Variants in SEC23B observed in about 807,000 individuals in gnomAD.
SEC23B encodes the protein SEC23 homolog B, COPII component.
Under a neutral mutation model 104.3 loss-of-function variants are expected in SEC23B, and 77 were observed. The observed-to-expected ratio is 0.74, with a 90% CI of 0.61 to 0.89. The LOEUF is 0.89. Ranked by LOEUF, SEC23B falls within the 40% of genes least tolerant of loss-of-function variation. The pLI is 0.00. For synonymous variants in SEC23B, 338 were observed against 332.5 expected, an observed-to-expected ratio of 1.02 and a Z score of -0.18; for missense variants, 885 against 949.4, an observed-to-expected ratio of 0.93 and a Z score of 0.89.
At chr20:18,514,323 G>C (rs1157239852) in intron 3 of SEC23B, among the ~76,000 whole-genome samples, 4 of 152,260 alleles carry the variant, frequency 2.6e-5, no homozygotes, top group Admixed American at 2.0e-4. Context: ...GGAGGTGGCT[G>C]GTGTGTCTGT....
intron 18 of SEC23B, 95 bp downstream of exon 18, chr20:18,554,485 A>G: frequency 6.9e-7 from 1 of 1,457,926 alleles, no homozygotes. Context: ...ATTTTATGTG[A>G]TGACATAAAT....
At chr20:18,550,246 C>A (rs536920651) in intron 16 of SEC23B, among the ~76,000 whole-genome samples, 1 of 151,944 alleles carries the variant, frequency 6.6e-6, no homozygotes, top group Non-Finnish European at 1.5e-5. Flanking sequence ...CCTCCGCCTT[C>A]CAGGTTCAGG....
chr20:18,529,289 A>G (rs1037600036), intron 9 of SEC23B, among the ~76,000 whole-genome samples: 33 of 152,216 alleles, frequency 2.2e-4, no homozygotes, highest in African/African-American at 7.7e-4. Context: ...GGCAAATGAA[A>G]TTTCACTCAA....
intron 12 of SEC23B, among the ~76,000 whole-genome samples, chr20:18,539,600 G>A (rs2060269914): frequency 1.3e-5 from 2 of 149,358 alleles, no homozygotes; most frequent in Non-Finnish European, 3.0e-5. Flanking sequence ...GCCTCCCAAA[G>A]TGCTGGGATT....
In SEC23B at chr20:18,542,181, G is replaced by T. The variant is rs937945831; in HGVS notation, c.1405-115G>T. On this transcript the variant is annotated intron_variant, in intron 12 of 19. Coordinates refer to ENST00000650089, the MANE Select transcript of SEC23B (RefSeq NM_006363.6). ...ATCCTAAGTGTGCCCTTCAAAATGT[G>T]TCAAGAACCTTCCTGTCATTGCTGT... is the stretch of plus-strand genomic sequence containing the variant. 1.3e-4 allele frequency: 120 copies of T among 920,716 alleles called. 1 individual carries two copies. In the East Asian group the frequency reaches 2.5e-3, roughly 19 times the overall value. The allele number at this position is 920,716 out of a possible 1,614,324, so 57.0% of individuals were successfully genotyped here.
intron 1 of SEC23B, among the ~76,000 whole-genome samples, chr20:18,509,103 A>G (rs905852317): frequency 3.9e-5 from 6 of 152,196 alleles, no homozygotes; most frequent in African/African-American, 1.4e-4. Context: ...GAGAGTTGTG[A>G]TAGAACTTGC....
chr20:18,522,219 T>C (rs2148895429), intron 4 of SEC23B, among the ~76,000 whole-genome samples: 1 of 152,192 alleles, frequency 6.6e-6, no homozygotes, highest in Non-Finnish European at 1.5e-5. Flanking sequence ...GTCCCTACAA[T>C]TGACTTGTCA....
chr20:18,560,751 C>A lies in SEC23B; in HGVS notation c.*11C>A. ...TCCAGTGCCTGTTAAGCTGAGGATACAACCAGGAAATGCAACGGTGTCAGA... is the reference window on the plus strand; with the variant it reads ...TCCAGTGCCTGTTAAGCTGAGGATAAAACCAGGAAATGCAACGGTGTCAGA... On this transcript the variant is annotated 3_prime_UTR_variant, in exon 20 of 20. Coordinates refer to ENST00000650089, the MANE Select transcript of SEC23B (RefSeq NM_006363.6). 6.2e-7 allele frequency: 1 copy of A among 1,601,248 alleles called. No homozygotes were observed. Among genetic ancestry groups the A allele is most frequent in the Non-Finnish European group, 8.6e-7 (1 of 1,168,648 alleles).
chr20:18,534,661 A>ACAG (rs1367634733), intron 11 of SEC23B, among the ~76,000 whole-genome samples: 2 of 152,254 alleles, frequency 1.3e-5, no homozygotes, highest in Non-Finnish European at 2.9e-5. Flanking sequence ...TTGTTTGCCA[A>ACAG]CAGCCTAATG....
chr20:18,534,197 A>G (rs2060208911), intron 11 of SEC23B, among the ~76,000 whole-genome samples: 1 of 152,214 alleles, frequency 6.6e-6, no homozygotes, highest in African/African-American at 2.4e-5. Flanking sequence ...TGCAGATATC[A>G]TGACAGTCCT....
intron 17 of SEC23B, among the ~76,000 whole-genome samples, chr20:18,553,310 C>T (rs1174357208): frequency 6.6e-6 from 1 of 152,204 alleles, no homozygotes; most frequent in Non-Finnish European, 1.5e-5. Context: ...ACGGTAACTG[C>T]TACTTTGAGA....
chr20:18,521,679 G>GTC (rs1270997927), intron 4 of SEC23B, among the ~76,000 whole-genome samples: 2 of 152,210 alleles, frequency 1.3e-5, no homozygotes, highest in Middle Eastern at 3.4e-3. Context: ...ACCTAGCTTG[G>GTC]CCTGGTGAGG....
intron 16 of SEC23B, among the ~76,000 whole-genome samples, chr20:18,550,649 G>A (rs2060378925): frequency 6.6e-6 from 1 of 152,066 alleles, no homozygotes; most frequent in South Asian, 2.1e-4. Flanking sequence ...CATAGTGTGA[G>A]ACCCTGTCTT....
chr20:18,521,321 T>C (rs971894893), intron 4 of SEC23B, among the ~76,000 whole-genome samples: 2 of 152,130 alleles, frequency 1.3e-5, no homozygotes, highest in African/African-American at 4.8e-5. Context: ...GATTGGGTAA[T>C]AAAATGCATA....
At chr20:18,555,061 T>C (rs2060423293) in intron 18 of SEC23B, 47 bp from the exon 19 acceptor site, 1 of 1,532,572 alleles carries the variant, frequency 6.5e-7, no homozygotes, top group African/African-American at 1.4e-5. Context: ...TTAATATTAA[T>C]GTCACTTTTT....
Position 18,548,687 on chromosome 20 carries a change from C to A in SEC23B, c.1822C>A (p.His608Asn). ...SPDESSYYRH[H>N]FARQDLTQSL... ...TGATGAGTCGTCATATTACAGACAT[C>A]ATTTTGCCCGGCAGGACCTGACCCA... Residue 608 changes from histidine to asparagine, a missense_variant, in exon 16 of 20, where the codon CAT becomes AAT. Physicochemically the swap from His to Asn is moderately conservative, Grantham distance 68 (BLOSUM62 1). Coordinates refer to ENST00000650089, the MANE Select transcript of SEC23B (RefSeq NM_006363.6). The A allele has an allele frequency of 1.2e-6, 2 of 1,614,138 alleles. No homozygotes were observed. The highest frequency in any genetic ancestry group is 1.3e-5 in the African/African-American group (1 of 75,050).
At chr20:18,508,781 GT>G (rs1229552257) in intron 1 of SEC23B, among the ~76,000 whole-genome samples, 4 of 140,918 alleles carry the variant, frequency 2.8e-5, no homozygotes, top group African/African-American at 1.0e-4. Context: ...GTGCAGTGGC[GT>G]GATCTCGGCT....
intron 16 of SEC23B, among the ~76,000 whole-genome samples, chr20:18,550,271 C>T (rs1179987097): frequency 1.3e-5 from 2 of 152,012 alleles, no homozygotes; most frequent in African/African-American, 2.4e-5. Context: ...CCTCCCACTT[C>T]AGCCTCCTGA....
chr20:18,532,039 A>G (rs906568463), intron 10 of SEC23B, among the ~76,000 whole-genome samples: 4 of 152,254 alleles, frequency 2.6e-5, no homozygotes, highest in Non-Finnish European at 5.9e-5. Context: ...CCTGGGCAAC[A>G]GAGTTGCCAG....
Sources: allele counts gnomAD v4.1 joint callset (sites outside exome capture counted in the v4.1 genomes callset), GRCh38; gene constraint gnomAD v4.1.1; transcripts MANE v1.5; gene names NCBI Gene and HGNC (gene_info 2026-07-23, HGNC 2026-07-21).